The following RYR2 variants were observed in gnomAD, a reference collection of about 807,000 sequenced individuals.
RYR2 encodes ryanodine receptor 2, also known as cardiac muscle ryanodine receptor-calcium release channel.
In RYR2, 227 loss-of-function variants were observed where a neutral mutation model predicts 601.1. The observed-to-expected ratio is 0.38, with a 90% CI of 0.34 to 0.42. The LOEUF is 0.42. Ranked by LOEUF, RYR2 falls within the 10% of genes least tolerant of loss-of-function variation. The probability of loss-of-function intolerance (pLI) is 1.00; values close to 1 mark genes in which losing one functional copy is unlikely to be tolerated. For synonymous variants in RYR2, 2,223 were observed against 2,175.1 expected, an observed-to-expected ratio of 1.02 and a Z score of -0.61; for missense variants, 4,646 against 6,156.5, an observed-to-expected ratio of 0.75 and a Z score of 8.21.
At chr1:237,100,725 A>C (rs1385492722) in intron 1 of RYR2, among the ~76,000 whole-genome samples, 1 of 152,018 alleles carries the variant, frequency 6.6e-6, no homozygotes, top group Non-Finnish European at 1.5e-5. Context: ...GAGCAAATAG[A>C]AGCCAGGGCA....
intron 2 of RYR2, among the ~76,000 whole-genome samples, chr1:237,303,594 C>T (rs1693586235): frequency 1.3e-5 from 2 of 152,024 alleles, no homozygotes; most frequent in South Asian, 4.1e-4. Context: ...GCCACTGCGC[C>T]CAGCTGGTTA....
At chr1:237,447,821 T>G (rs1657563230) in intron 14 of RYR2, among the ~76,000 whole-genome samples, 2 of 150,584 alleles carry the variant, frequency 1.3e-5, no homozygotes, top group African/African-American at 4.9e-5. Flanking sequence ...CCTTCCATCC[T>G]TTCCTCCCTC....
rs545088621 is a variant in RYR2, at chr1:237,511,367, C to G, written c.2719-321C>G. On this transcript the variant is annotated intron_variant, in intron 23 of 104. Coordinates refer to ENST00000366574, the MANE Select transcript of RYR2 (RefSeq NM_001035.3). ...TAATTAGACAAGTGGGCAGGGTAAA[C>G]CTCACTGAGAAAATAAGATATAAGC... 8.6e-4 allele frequency among the ~76,000 whole-genome samples: 129 copies of G among 149,624 alleles called. 1 individual carries two copies. Among genetic ancestry groups the G allele is most frequent in the Non-Finnish European group, 9.6e-4 (65 of 67,638 alleles).
At position 237,833,378 on chromosome 1, in the gene RYR2, A is replaced by C; in HGVS notation, c.*731A>C. ...CCCCCCCCCCCGCCCCCGCCCCCAT[A>C]TGCTCCTGCTATTATTTTGGTAATG... is the stretch of plus-strand genomic sequence containing the variant. On this transcript the variant is annotated 3_prime_UTR_variant, in exon 105 of 105. Transcript: ENST00000366574. 1 of 31,862 alleles carries C rather than the reference A, an allele frequency of 3.1e-5. No homozygotes were observed. Among genetic ancestry groups the C allele is most frequent in the Non-Finnish European group, 6.3e-5 (1 of 15,814 alleles). The allele number at this position is 31,862 out of a possible 1,614,324, so 2.0% of individuals were successfully genotyped here.
intron 29 of RYR2, among the ~76,000 whole-genome samples, chr1:237,588,479 C>T (rs768563086): frequency 6.6e-6 from 1 of 152,126 alleles, no homozygotes; most frequent in Non-Finnish European, 1.5e-5. Context: ...TTGTAGTCTG[C>T]ATTCCAATAC....
chr1:237,209,663 G>A (rs1283659979), intron 1 of RYR2, among the ~76,000 whole-genome samples: 1 of 151,872 alleles, frequency 6.6e-6, no homozygotes, highest in East Asian at 1.9e-4. Context: ...GACCAGGCTG[G>A]GCAATATAGC....
intron 24 of RYR2, among the ~76,000 whole-genome samples, chr1:237,515,003 T>C (rs1365737774): frequency 1.3e-5 from 2 of 152,206 alleles, no homozygotes; most frequent in Non-Finnish European, 2.9e-5. Flanking sequence ...ATATCCCTTA[T>C]TTTGGGTTGA....
chr1:237,155,471 G>A (rs1482174838), intron 1 of RYR2, among the ~76,000 whole-genome samples: 1 of 152,046 alleles, frequency 6.6e-6, no homozygotes, highest in East Asian at 1.9e-4. Flanking sequence ...CCGAATAGTG[G>A]CGTATTTAAG....
At chr1:237,287,344 G>A (rs771284917) in intron 2 of RYR2, among the ~76,000 whole-genome samples, 6 of 152,094 alleles carry the variant, frequency 3.9e-5, no homozygotes, top group Non-Finnish European at 8.8e-5. Flanking sequence ...TCTGTATTTG[G>A]ATGTCTACGT....
chr1:237,456,801 G>A, intron 16 of RYR2, 66 bp downstream of exon 16: 1 of 1,523,604 alleles, frequency 6.6e-7, no homozygotes, highest in Admixed American at 1.8e-5. Context: ...AATGGACTAG[G>A]TGTGATGGCT....
intron 6 of RYR2, among the ~76,000 whole-genome samples, chr1:237,372,467 T>C (rs547870361): frequency 6.6e-6 from 1 of 152,356 alleles, no homozygotes; most frequent in African/African-American, 2.4e-5. Context: ...ATATGTTTTA[T>C]CTACCATTGC....
chr1:237,717,170 G>T (rs1689333416), intron 71 of RYR2, 28 bp from the exon 72 acceptor site: 1 of 1,608,584 alleles, frequency 6.2e-7, no homozygotes. Flanking sequence ...AGCAGGTTCA[G>T]ATCCCAGCAC....
At position 237,317,873 on chromosome 1, in the gene RYR2, A is replaced by G. The variant is rs142447214; in HGVS notation, c.169-13005A>G. On this transcript the variant is annotated intron_variant, in intron 2 of 104. Coordinates refer to ENST00000366574, the MANE Select transcript of RYR2 (RefSeq NM_001035.3). ...GTTTTTAATCTATGATGTGTCTATT[A>G]TAGAGAGCATACAGTTAGATCATAT... is the stretch of plus-strand genomic sequence containing the variant. Among the ~76,000 whole-genome samples the G allele has an allele frequency of 4.7e-3, 712 of 152,276 alleles. 14 individuals are homozygous for G. Among genetic ancestry groups the G allele is most frequent in the Non-Finnish European group, 2.9e-3 (194 of 68,006 alleles).
At chr1:237,790,701 G>T (rs763432868) in intron 92 of RYR2, among the ~76,000 whole-genome samples, 1 of 151,840 alleles carries the variant, frequency 6.6e-6, no homozygotes, top group Non-Finnish European at 1.5e-5. Flanking sequence ...TTCCCACTTC[G>T]CATGCAGATG....
intron 79 of RYR2, among the ~76,000 whole-genome samples, chr1:237,739,088 T>C (rs1255072066): frequency 1.3e-5 from 2 of 152,208 alleles, no homozygotes; most frequent in African/African-American, 4.8e-5. Flanking sequence ...ACATCACTTC[T>C]TTCTGAAACA....
At chr1:237,307,960 G>A (rs10925366) in intron 2 of RYR2, among the ~76,000 whole-genome samples, 4,259 of 83,796 alleles carry the variant, frequency 0.051, 3 homozygotes, top group South Asian at 0.14. Context: ...GACTTGCTGA[G>A]ACTCCATCTT....
rs193240434 is a variant in RYR2 at position 237,467,774 on chromosome 1, C to T, written c.1613-1318C>T. ...ACTGTAACTGTAGGGTCTCTTCCCT[C>T]CTGCTCTTAACAGGGAGGTTAACAG... On this transcript the variant is annotated intron_variant, in intron 16 of 104. Coordinates refer to ENST00000366574, the MANE Select transcript of RYR2 (RefSeq NM_001035.3). 1.1e-3 allele frequency among the ~76,000 whole-genome samples: 170 copies of T among 152,186 alleles called. 1 individual carries two copies. Among genetic ancestry groups the T allele is most frequent in the African/African-American group, 4.0e-3 (164 of 41,496 alleles).
chr1:237,151,288 G>A (rs972222417), intron 1 of RYR2, among the ~76,000 whole-genome samples: 6 of 152,116 alleles, frequency 3.9e-5, no homozygotes, highest in African/African-American at 9.7e-5. Flanking sequence ...AACAGAAACC[G>A]AGTATGTGCC....
intron 2 of RYR2, among the ~76,000 whole-genome samples, chr1:237,300,324 G>A (rs1693223955): frequency 6.6e-6 from 1 of 152,104 alleles, no homozygotes; most frequent in South Asian, 2.1e-4. Context: ...TGGGAATCTA[G>A]TTGATTCTGT....
Sources: allele counts gnomAD v4.1 joint callset (sites outside exome capture counted in the v4.1 genomes callset), GRCh38; gene constraint gnomAD v4.1.1; transcripts MANE v1.5; gene names NCBI Gene and HGNC (gene_info 2026-07-23, HGNC 2026-07-21).